WDFY1: variants seen among roughly 807,000 people sequenced by gnomAD.
WDFY1 encodes WD repeat and FYVE domain-containing protein 1.
In WDFY1, 32 loss-of-function variants were observed where a neutral mutation model predicts 56.4. The observed-to-expected ratio is 0.57, with a 90% CI of 0.43 to 0.76. The LOEUF is 0.76. Among genes scored for constraint, WDFY1 ranks in the 30% least tolerant of loss-of-function variants. The pLI, the probability that WDFY1 is intolerant of heterozygous loss-of-function variation, is 0.00. For synonymous variants in WDFY1, 192 were observed against 197.3 expected (o/e 0.97, Z 0.23); for missense variants, 480 against 545.7 (o/e 0.88, Z 1.20).
At chr2:223,894,108 C>A in intron 8 of WDFY1, 126 bp downstream of exon 8, 1 of 823,074 alleles carries the variant, frequency 1.2e-6, no homozygotes, top group Non-Finnish European at 1.9e-6. Context: ...AACCCATTAG[C>A]AGAAGGGGAA....
intron 5 of WDFY1, chr2:223,899,286 T>G: frequency 2.1e-6 from 1 of 478,574 alleles, no homozygotes; most frequent in Non-Finnish European, 3.8e-6. Context: ...CAGCTGTTAT[T>G]ACTGAGAAAG....
chr2:223,888,586 A>T (rs1250781489), intron 8 of WDFY1, among the ~76,000 whole-genome samples: 6 of 131,394 alleles, frequency 4.6e-5, no homozygotes, highest in African/African-American at 8.6e-5. Flanking sequence ...TAAATTCTCA[A>T]TTTTTTTTTT....
At chr2:223,884,935 G>A (rs1400673972) in intron 8 of WDFY1, among the ~76,000 whole-genome samples, 186 bp from the exon 9 acceptor site, 1 of 147,584 alleles carries the variant, frequency 6.8e-6, no homozygotes, top group Non-Finnish European at 1.5e-5. Context: ...TCTGCCTCCT[G>A]GATTCAAGTG....
chr2:223,910,540 A>G (rs1347619312), intron 3 of WDFY1, among the ~76,000 whole-genome samples: 3 of 152,156 alleles, frequency 2.0e-5, no homozygotes, highest in African/African-American at 7.2e-5. Context: ...ATACAGAAAA[A>G]AACTCTTACA....
Position 223,890,586 on chromosome 2 carries a change from T to C in WDFY1, c.831+3648A>G, listed in dbSNP as rs954106126. ...CTAACATGAGCCATCCTTATACTTA[T>C]TATCTAAGAAGAAGCTTTCGTTTTG... On this transcript the variant is annotated intron_variant, in intron 8 of 11. Transcript: ENST00000233055. Among the ~76,000 whole-genome samples the C allele has an allele frequency of 3.9e-5, 6 of 152,190 alleles. No homozygotes were observed. In the South Asian group the frequency reaches 6.2e-4, roughly 16 times the overall value.
In WDFY1 at chr2:223,912,302, T is replaced by C. The variant is rs763265448; in HGVS notation, c.230A>G (p.His77Arg). ...MASPCSAMAY[H>R]HDSRRIFVGQ... ...CACAAATATCCGTCTGCTGTCATGA[T>C]GGTAAGCCATAGCAGAGCAAGGAGC... Residue 77 changes from histidine to arginine, a missense_variant, in exon 3 of 12, where the codon CAT (histidine) becomes CGT (arginine). By Grantham distance (29) the His-to-Arg change is conservative (BLOSUM62 0). Coordinates refer to ENST00000233055, the MANE Select transcript of WDFY1 (RefSeq NM_020830.5). 1.4e-5 allele frequency: 23 copies of C among 1,610,630 alleles called. No homozygotes were observed. The highest frequency in any genetic ancestry group is 1.8e-5 in the Non-Finnish European group (21 of 1,179,108).
chr2:223,903,119 T>C (rs1693531833), intron 4 of WDFY1, among the ~76,000 whole-genome samples: 1 of 152,186 alleles, frequency 6.6e-6, no homozygotes, highest in African/African-American at 2.4e-5. Flanking sequence ...AATACAGCAA[T>C]CCCTATATTA....
At chr2:223,900,640 A>C (rs947329159) in intron 5 of WDFY1, among the ~76,000 whole-genome samples, 11 of 152,232 alleles carry the variant, frequency 7.2e-5, no homozygotes, top group Middle Eastern at 3.4e-3. Flanking sequence ...TCTCCACACA[A>C]AAAAAAGCAT....
At chr2:223,904,735 T>C (rs1247540377) in intron 4 of WDFY1, among the ~76,000 whole-genome samples, 1 of 152,140 alleles carries the variant, frequency 6.6e-6, no homozygotes, top group African/African-American at 2.4e-5. Flanking sequence ...ATTTTAGAAA[T>C]ATAGAGTGAA....
At chr2:223,933,011 G>C (rs1235966839) in intron 1 of WDFY1, among the ~76,000 whole-genome samples, 1 of 151,960 alleles carries the variant, frequency 6.6e-6, no homozygotes. Context: ...CGAGTCTCTG[G>C]AATTCTGCCC....
intron 6 of WDFY1, among the ~76,000 whole-genome samples, 175 bp downstream of exon 6, chr2:223,898,783 A>T (rs1253057948): frequency 6.6e-6 from 1 of 152,218 alleles, no homozygotes; most frequent in Non-Finnish European, 1.5e-5. Context: ...ACAATATGAA[A>T]TGAACCCATC....
chr2:223,891,377 C>A (rs1334165411), intron 8 of WDFY1, among the ~76,000 whole-genome samples: 2 of 1,292 alleles, frequency 1.5e-3, no homozygotes, highest in African/African-American at 3.5e-3. Context: ...AGCTAGACTC[C>A]GTCTCAAAAA....
chr2:223,885,101 A>G (rs1298479174), intron 8 of WDFY1, among the ~76,000 whole-genome samples: 2 of 152,136 alleles, frequency 1.3e-5, no homozygotes, highest in Non-Finnish European at 2.9e-5. Flanking sequence ...TATAAGCATG[A>G]GCAACCATGC....
At position 223,894,342 on chromosome 2, in the gene WDFY1, G is replaced by A. The variant is rs1234839270; in HGVS notation, c.726-3C>T. 6.2e-7 allele frequency: 1 copy of A among 1,614,028 alleles called. No individual in the cohort carries two copies. The highest frequency in any genetic ancestry group is 1.1e-5 in the South Asian group (1 of 91,082). ...AGCACAGCGACTGCACCTTGTCACT[G>A]CAAACAGCACACACAACAGTCACTT... On this transcript the variant is annotated splice_region_variant and splice_polypyrimidine_tract_variant and intron_variant, in intron 7 of 11. Coordinates refer to ENST00000233055, the MANE Select transcript of WDFY1 (RefSeq NM_020830.5).
rs376106352 is a variant in WDFY1 at position 223,945,315 on chromosome 2, G to A, written c.-31C>T. ...CGCGGCGACTGCTGCGGCCTCCTCG[G>A]CAGGCAGCCCATCAGCTGACGCCTG... On this transcript the variant is annotated 5_prime_UTR_variant, in exon 1 of 12. Coordinates refer to ENST00000233055, the MANE Select transcript of WDFY1 (RefSeq NM_020830.5). 110 of 1,549,330 alleles carry A rather than the reference G, an allele frequency of 7.1e-5. No homozygotes were observed. The African/African-American group carries it at 9.2e-4, about 13-fold the overall frequency.
At chr2:223,932,009 T>C (rs1040124349) in intron 1 of WDFY1, among the ~76,000 whole-genome samples, 81 of 151,270 alleles carry the variant, frequency 5.4e-4, no homozygotes, top group African/African-American at 1.7e-3. Context: ...TTTTTTTTTT[T>C]CCCCATACCA....
At chr2:223,918,798 G>A (rs1287058139) in intron 1 of WDFY1, among the ~76,000 whole-genome samples, 1 of 152,158 alleles carries the variant, frequency 6.6e-6, no homozygotes, top group East Asian at 1.9e-4. Flanking sequence ...ATGGAGGAGT[G>A]GCATGGAGAG....
At chr2:223,891,555 C>A (rs959409367) in intron 8 of WDFY1, among the ~76,000 whole-genome samples, 1 of 152,058 alleles carries the variant, frequency 6.6e-6, no homozygotes, top group African/African-American at 2.4e-5. Context: ...TCTACAGACG[C>A]AGTGAATTGT....
intron 8 of WDFY1, among the ~76,000 whole-genome samples, chr2:223,892,952 C>T (rs1194978166): frequency 6.6e-6 from 1 of 152,200 alleles, no homozygotes; most frequent in Non-Finnish European, 1.5e-5. Context: ...TAACATCCCT[C>T]ATGATCTAAA....
Sources: gnomAD v4.1 joint callset for allele counts (sites outside exome capture counted in the v4.1 genomes callset) on GRCh38, gnomAD v4.1.1 for gene constraint, MANE v1.5 for transcripts, NCBI Gene and HGNC (gene_info 2026-07-23, HGNC 2026-07-21) for gene names.